The following TBX6 variants were observed in gnomAD, a reference collection of about 807,000 sequenced individuals.
TBX6 encodes T-box transcription factor 6.
In TBX6, 29 loss-of-function variants were observed where a neutral mutation model predicts 42.3. The observed-to-expected ratio is 0.69, with a 90% CI of 0.51 to 0.93. The LOEUF (loss-of-function observed/expected upper bound fraction) is 0.93. Ranked by LOEUF, TBX6 falls within the 40% of genes least tolerant of loss-of-function variation. TBX6 has a pLI of 0.00. For synonymous variants in TBX6, 249 were observed against 245.1 expected (o/e 1.02, Z -0.15); for missense variants, 569 against 603.3 (o/e 0.94, Z 0.59).
In TBX6 at chr16:30,089,024, G is replaced by A. The variant is rs753896996; in HGVS notation, c.540C>T (p.Ala180=). 3.3e-5 allele frequency: 53 copies of A among 1,613,966 alleles called. No homozygotes were observed. The highest frequency in any genetic ancestry group is 4.2e-5 in the Non-Finnish European group (50 of 1,180,010). Reference sequence around the variant, plus strand: ...GCTGCCGCATCCAATGTGCACCAGTGGCAGGAGAGTCGGGGTGAATGTAGA... The same window carrying A: ...GCTGCCGCATCCAATGTGCACCAGTAGCAGGAGAGTCGGGGTGAATGTAGA... ...DRVYIHPDSP[A]TGAHWMRQPV... The change falls in exon 4 of 9, where the codon GCC becomes GCT. Residue 180 remains alanine (A), a synonymous_variant. Transcript: ENST00000395224.
At chr16:30,089,360 G>A in intron 3 of TBX6, 150 bp from the exon 4 acceptor site, 1 of 1,082,080 alleles carries the variant, frequency 9.2e-7, no homozygotes, top group Non-Finnish European at 1.3e-6. Flanking sequence ...GCAGGCTGGA[G>A]GCTGTGGCTC....
In TBX6 at chr16:30,086,828, C is replaced by T. The variant is rs771799426; in HGVS notation, c.863G>A (p.Arg288Lys). The change falls in exon 7 of 9, where the codon AGG (arginine) becomes AAG (lysine). Residue 288 changes from arginine (R) to lysine (K), a missense_variant. Physicochemically the swap from Arg to Lys is conservative, Grantham distance 26. Around this residue, in one of 3 missense-constraint regions of TBX6, gnomAD observed 245 missense variants for 227.4 expected, o/e 1.08. Coordinates refer to ENST00000395224, the MANE Select transcript of TBX6 (RefSeq NM_004608.4). The surrounding 1 kb of genome is among the most constrained non-coding windows in gnomAD (Gnocchi z 4.6). Reference protein sequence around the residue: ...CKRERDARVKRKLRGPEPAAT... With the variant: ...CKRERDARVKKKLRGPEPAAT... The stretch of plus-strand genomic sequence containing the variant: ...TGCTGGCTCTGGGCCCCGCAGTTTC[C>T]TCTTCACACGGGCGTCTCGCTCCCT... 1.2e-6 allele frequency: 2 copies of T among 1,613,554 alleles called. No homozygotes were observed. Among genetic ancestry groups the T allele is most frequent in the Non-Finnish European group, 1.7e-6 (2 of 1,179,790 alleles).
At position 30,086,457 on chromosome 16, in the gene TBX6, T is replaced by A. The variant is rs764082046; in HGVS notation, c.1098-19A>T. 2.1e-5 allele frequency: 31 copies of A among 1,495,668 alleles called. No homozygotes were observed. Among genetic ancestry groups the A allele is most frequent in the Non-Finnish European group, 1.5e-5 (17 of 1,126,252 alleles). 92.6% of individuals were successfully genotyped at this position (1,495,668 alleles called of 1,614,324 possible). On this transcript the variant is annotated intron_variant, in intron 8 of 8. Transcript: ENST00000395224. This position sits in a 1 kb window ranked among gnomAD's most constrained non-coding sequence, Gnocchi z 4.6. ...GGGGCTCCTGACATGGAGAGAGGGA[T>A]GTCAGAGCAGGGCAGAGGGACCCGC...
chr16:30,089,031 G>C lies in TBX6; in HGVS notation c.533C>G (p.Ser178Cys). 1 of 1,614,036 alleles carries C rather than the reference G, an allele frequency of 6.2e-7. No individual in the cohort carries two copies. Among genetic ancestry groups the C allele is most frequent in the South Asian group, 1.1e-5 (1 of 91,074 alleles). ...CATCCAATGTGCACCAGTGGCAGGA[G>C]AGTCGGGGTGAATGTAGACACGGTC... ...LPDRVYIHPD[S>C]PATGAHWMRQ... is the part of the protein sequence containing the mutation. The change falls in exon 4 of 9, where the codon TCT (serine) becomes TGT (cysteine). Residue 178 changes from serine (S) to cysteine (C), a missense_variant. Around this residue, in one of 3 missense-constraint regions of TBX6, gnomAD observed 190 missense variants for 250.6 expected, o/e 0.76. Coordinates refer to ENST00000395224, the MANE Select transcript of TBX6 (RefSeq NM_004608.4).
intron 6 of TBX6, among the ~76,000 whole-genome samples, chr16:30,087,193 C>T (rs1441379051): frequency 1.3e-5 from 2 of 152,054 alleles, no homozygotes; most frequent in Non-Finnish European, 2.9e-5. Flanking sequence ...CTCTTCTGTC[C>T]CCTCTTCACG....
rs148489699 is a variant in TBX6 at position 30,090,925 on chromosome 16, C to T, written c.186G>A (p.Ala62=). Residue 62 remains alanine (A), a synonymous_variant, in exon 3 of 9, where the codon GCG becomes GCA. Coordinates refer to ENST00000395224, the MANE Select transcript of TBX6 (RefSeq NM_004608.4). Reference sequence around the variant, plus strand: ...GGGGCAGAAGGGGCAGAGGTGGGTGCGCGGCCAGGGTGCGGGGAGCAGCCT... The same window carrying T: ...GGGGCAGAAGGGGCAGAGGTGGGTGTGCGGCCAGGGTGCGGGGAGCAGCCT... ...GMEAAPRTLA[A]HPPLPLLPPA... 31 of 1,612,200 alleles carry T rather than the reference C, an allele frequency of 1.9e-5. No homozygotes were observed. Among genetic ancestry groups the T allele is most frequent in the Admixed American group, 1.8e-4 (11 of 59,858 alleles).
At chr16:30,090,619 G>T in intron 3 of TBX6, 139 bp downstream of exon 3, 1 of 835,506 alleles carries the variant, frequency 1.2e-6, no homozygotes, top group Non-Finnish European at 1.8e-6. Flanking sequence ...AGTAACCCTT[G>T]CCCCAGGCCA....
intron 6 of TBX6, 175 bp from the exon 7 acceptor site, chr16:30,087,026 G>C (rs2072645167): frequency 4.1e-6 from 3 of 732,634 alleles, no homozygotes; most frequent in Non-Finnish European, 6.6e-6. Context: ...TAACTAGAAA[G>C]TGGCAGAGCT....
At chr16:30,089,812 C>T (rs891244820) in intron 3 of TBX6, among the ~76,000 whole-genome samples, 1 of 151,776 alleles carries the variant, frequency 6.6e-6, no homozygotes, top group African/African-American at 2.4e-5. Context: ...TGCCTATAGT[C>T]CCAGCTACTC....
chr16:30,088,758 C>T lies in TBX6; in HGVS notation c.703G>A (p.Gly235Ser), dbSNP rs747110526. The T allele has an allele frequency of 8.7e-6, 14 of 1,613,822 alleles. No individual in the cohort carries two copies. The South Asian group carries it at 1.3e-4, about 15-fold the overall frequency. ...TCGGGGAAGCGGAAGGAGGCCATGC[C>T]CCCCCAGTGCTGGCTGCAGAGCTGG... ...AAQLCSQHWG[G>S]MASFRFPETT... The change falls in exon 5 of 9, where the codon GGC becomes AGC. Residue 235 changes from glycine (G) to serine (S), a missense_variant. Gly to Ser is a moderately conservative substitution (Grantham distance 56). Transcript: ENST00000395224. The surrounding 1 kb of genome is among the most constrained non-coding windows in gnomAD (Gnocchi z 4.1).
rs562277921 is a variant in TBX6, at chr16:30,088,984, G to A, written c.580C>T (p.Arg194Cys). The A allele has an allele frequency of 6.2e-6, 10 of 1,613,352 alleles. No homozygotes were observed. The highest frequency in any genetic ancestry group is 2.2e-5 in the East Asian group (1 of 44,852). The change falls in exon 4 of 9, where the codon CGT (arginine) becomes TGT (cysteine). Residue 194 changes from arginine to cysteine, a missense_variant. By Grantham distance (180) the Arg-to-Cys change is radical. Coordinates refer to ENST00000395224, the MANE Select transcript of TBX6 (RefSeq NM_004608.4). The surrounding 1 kb of genome is among the most constrained non-coding windows in gnomAD (Gnocchi z 4.1). ...HWMRQPVSFH[R>C]VKLTNSTLDP... The stretch of plus-strand genomic sequence containing the variant: ...AGCGTGCTGTTGGTGAGCTTGACAC[G>A]ATGGAAAGACACAGGCTGCCGCATC...
At position 30,088,401 on chromosome 16, in the gene TBX6, G is replaced by T. The variant is rs1473718963; in HGVS notation, c.839+144C>A. On this transcript the variant is annotated intron_variant, in intron 6 of 8. Transcript: ENST00000395224. This position sits in a 1 kb window ranked among gnomAD's most constrained non-coding sequence, Gnocchi z 4.1. ...TGGAACTGTCCCTGGCACATAGCAG[G>T]TACTATATAAGTATTTGCTGAGTCA... 3 of 1,135,214 alleles carry T rather than the reference G, an allele frequency of 2.6e-6. No individual in the cohort carries two copies. The African/African-American group carries it at 4.6e-5, about 17-fold the overall frequency. 70.3% of individuals were successfully genotyped at this position (1,135,214 alleles called of 1,614,324 possible).
Position 30,088,229 on chromosome 16 carries a change from C to A in TBX6, c.839+316G>T. The stretch of plus-strand genomic sequence containing the variant: ...CTGGGATTACATGCGTGAGCCACCA[C>A]ACCTGGTCTCTCTTCTCTTTAGAAT... On this transcript the variant is annotated intron_variant, in intron 6 of 8. Transcript: ENST00000395224. This position sits in a 1 kb window ranked among gnomAD's most constrained non-coding sequence, Gnocchi z 4.1. 1 of 388,280 alleles carries A rather than the reference C, an allele frequency of 2.6e-6. No homozygotes were observed. Among genetic ancestry groups the A allele is most frequent in the South Asian group, 2.2e-5 (1 of 45,706 alleles). 24.1% of individuals were successfully genotyped at this position (388,280 alleles called of 1,614,324 possible).
In TBX6 at chr16:30,086,354, C is replaced by T. The variant is rs748287986; in HGVS notation, c.1182G>A (p.Gly394=). ...AAFLELPHGS[G]GSGYPAAPPA... ...GTGGAGCCGCTGGGTACCCGGAGCC[C>T]CCTGACCCGTGCGGCAGCTCCAGAA... Residue 394 remains glycine, a synonymous_variant, in exon 9 of 9, where the codon GGG becomes GGA. Transcript: ENST00000395224. This position sits in a 1 kb window ranked among gnomAD's most constrained non-coding sequence, Gnocchi z 4.6. 5 of 1,589,180 alleles carry T rather than the reference C, an allele frequency of 3.1e-6. No individual in the cohort carries two copies. In the Admixed American group the frequency reaches 5.9e-5, roughly 19 times the overall value.
intron 6 of TBX6, among the ~76,000 whole-genome samples, chr16:30,087,420 C>T (rs2072653415): frequency 6.6e-6 from 1 of 152,118 alleles, no homozygotes; most frequent in Non-Finnish European, 1.5e-5. Flanking sequence ...GCGCAAGTTC[C>T]TCAAGGAAGT....
Position 30,086,468 on chromosome 16 carries a change from G to C in TBX6, c.1098-30C>G. The C allele has an allele frequency of 6.7e-7, 1 of 1,490,912 alleles. No individual in the cohort carries two copies. The highest frequency in any genetic ancestry group is 8.9e-7 in the Non-Finnish European group (1 of 1,124,208). 92.4% of individuals were successfully genotyped at this position (1,490,912 alleles called of 1,614,324 possible). A position where few individuals can be genotyped will look rare whatever the true frequency, so the allele number is the denominator to read the frequency against. On this transcript the variant is annotated intron_variant, in intron 8 of 8. Transcript: ENST00000395224. This position sits in a 1 kb window ranked among gnomAD's most constrained non-coding sequence, Gnocchi z 4.6. Reference sequence around the variant, plus strand: ...CATGGAGAGAGGGATGTCAGAGCAGGGCAGAGGGACCCGCAGCCCCGCCTG... The same window carrying C: ...CATGGAGAGAGGGATGTCAGAGCAGCGCAGAGGGACCCGCAGCCCCGCCTG...
Position 30,086,388 on chromosome 16 carries a change from G to A in TBX6, c.1148C>T (p.Ser383Leu), listed in dbSNP as rs369015359. 23 of 1,568,418 alleles carry A rather than the reference G, an allele frequency of 1.5e-5. No individual in the cohort carries two copies. The highest frequency in any genetic ancestry group is 5.9e-5 in the South Asian group (5 of 85,020). The change falls in exon 9 of 9, where the codon TCG becomes TTG. Residue 383 changes from serine (S) to leucine (L), a missense_variant. Coordinates refer to ENST00000395224, the MANE Select transcript of TBX6 (RefSeq NM_004608.4). This position sits in a 1 kb window ranked among gnomAD's most constrained non-coding sequence, Gnocchi z 4.6. ...GTGCGGCAGCTCCAGAAATGCAGCC[G>A]AGTAGGGGGCTGAGCGCCCGGAGTC... ...APDSGRSAPY[S>L]AAFLELPHGS...
intron 6 of TBX6, 151 bp from the exon 7 acceptor site, chr16:30,087,002 G>C (rs988143245): frequency 1.4e-5 from 12 of 842,782 alleles, no homozygotes; most frequent in Non-Finnish European, 5.4e-6. Context: ...GAAACTGAAG[G>C]CCAGAAAATT....
At position 30,088,821 on chromosome 16, in the gene TBX6, G is replaced by A; in HGVS notation, c.640C>T (p.His214Tyr). The part of the protein sequence containing the change: ...PHGHLILHSM[H>Y]KYQPRIHLVR... ...AGGTGTATGCGGGGTTGGTACTTGT[G>A]CATGGAGTGCAGGATCAGCTGGGAG... The change falls in exon 5 of 9, where the codon CAC becomes TAC. Residue 214 changes from histidine (H) to tyrosine (Y), a missense_variant. Coordinates refer to ENST00000395224, the MANE Select transcript of TBX6 (RefSeq NM_004608.4). This position sits in a 1 kb window ranked among gnomAD's most constrained non-coding sequence, Gnocchi z 4.1. 2 of 1,614,130 alleles carry A rather than the reference G, an allele frequency of 1.2e-6. No homozygotes were observed. The highest frequency in any genetic ancestry group is 1.1e-5 in the South Asian group (1 of 91,088).
Sources: allele counts gnomAD v4.1 joint callset (sites outside exome capture counted in the v4.1 genomes callset), GRCh38; gene constraint gnomAD v4.1.1; regional missense constraint gnomAD v4.1.1; non-coding constraint Gnocchi (gnomAD v3.1); transcripts MANE v1.5; gene names NCBI Gene and HGNC (gene_info 2026-07-23, HGNC 2026-07-21).